SLC11A2: variants seen among roughly 807,000 people sequenced by gnomAD.
SLC11A2 encodes the protein solute carrier family 11 member 2.
Under a neutral mutation model 68.0 loss-of-function variants are expected in SLC11A2, and 38 were observed. That is an observed-to-expected ratio of 0.56 (90% CI 0.43 to 0.73). SLC11A2 has a LOEUF of 0.73. Ranked by LOEUF, SLC11A2 falls within the 30% of genes least tolerant of loss-of-function variation. The probability of loss-of-function intolerance (pLI) is 0.00; values close to 1 mark genes in which losing one functional copy is unlikely to be tolerated. For missense variants in SLC11A2, 517 were observed against 690.5 expected, an observed-to-expected ratio of 0.75 and a Z score of 2.82; for synonymous variants, 242 against 250.6, an observed-to-expected ratio of 0.97 and a Z score of 0.32.
chr12:50,955,478 T>G, the SLC11A2 span, among the ~76,000 whole-genome samples: 3 of 152,218 alleles, frequency 2.0e-5, no homozygotes, highest in Non-Finnish European at 4.4e-5. Context: ...CATGCCTGTT[T>G]CCTTGTGTTC....
chr12:50,992,822 C>A lies in SLC11A2; in HGVS notation c.1185G>T (p.Gln395His), dbSNP rs1565991584. The A allele has an allele frequency of 6.2e-7, 1 of 1,611,806 alleles. No homozygotes were observed. Among genetic ancestry groups the A allele is most frequent in the Non-Finnish European group, 8.5e-7 (1 of 1,178,790 alleles). Residue 395 changes from glutamine to histidine, a missense_variant, in exon 12 of 16, where the codon CAG becomes CAT. Transcript: ENST00000262052. ...SSTMTGTYSG[Q>H]FVMEGFLNLK... ...TACCAGCACGTACCTCCATGACAAA[C>A]TGGCCAGAATAGGTTCCTGTCATGG...
rs12480 is a variant in SLC11A2, at chr12:50,986,982, C to T, written c.*1343G>A. 4 of 1,286,464 alleles carry T rather than the reference C, an allele frequency of 3.1e-6. No homozygotes were observed. The highest frequency in any genetic ancestry group is 4.0e-6 in the Non-Finnish European group (4 of 988,330). The allele number at this position is 1,286,464 out of a possible 1,614,324, so 79.7% of individuals were successfully genotyped here. ...CACCATTTTCCATTACTGTTCTCAC[C>T]AAATCAATGACTATAAAACAGTTTT... On this transcript the variant is annotated 3_prime_UTR_variant, in exon 16 of 16. Transcript: ENST00000262052.
the SLC11A2 span, among the ~76,000 whole-genome samples, chr12:50,955,286 G>A: frequency 6.6e-6 from 1 of 152,054 alleles, no homozygotes; most frequent in African/African-American, 2.4e-5. Context: ...ACTATAATTA[G>A]ATCACCTAAT....
intron 1 of SLC11A2, among the ~76,000 whole-genome samples, chr12:51,014,947 G>A (rs1276624542): frequency 2.0e-5 from 3 of 151,994 alleles, no homozygotes; most frequent in South Asian, 2.1e-4. Flanking sequence ...GATCACCTGA[G>A]GTCAGGAGTT....
chr12:51,001,629 A>G (rs921937155), intron 5 of SLC11A2, among the ~76,000 whole-genome samples: 1 of 151,548 alleles, frequency 6.6e-6, no homozygotes, highest in African/African-American at 2.4e-5. Flanking sequence ...AAACCTTCAC[A>G]TGTATCCATC....
chr12:50,974,181 TA>T, the SLC11A2 span, among the ~76,000 whole-genome samples: 1 of 152,100 alleles, frequency 6.6e-6, no homozygotes, highest in South Asian at 2.1e-4. Flanking sequence ...CCAAGACACA[TA>T]ATTGTCAGAT....
chr12:50,965,136 C>T, the SLC11A2 span, among the ~76,000 whole-genome samples: 1 of 151,998 alleles, frequency 6.6e-6, no homozygotes, highest in African/African-American at 2.4e-5. Flanking sequence ...TTTTTTGAGA[C>T]AGGGTCTTGC....
At chr12:50,960,897 T>C in the SLC11A2 span, 2 of 1,376,854 alleles carry the variant, frequency 1.5e-6, no homozygotes, top group East Asian at 2.7e-5. Flanking sequence ...CCAGGCTGTT[T>C]TCAAACTCCT....
chr12:50,961,417 T>C, the SLC11A2 span, among the ~76,000 whole-genome samples: 1 of 152,158 alleles, frequency 6.6e-6, no homozygotes, highest in Non-Finnish European at 1.5e-5. Flanking sequence ...TCACAGCCTA[T>C]ATTGTGGCTG....
At chr12:51,001,009 A>G (rs1380453191) in intron 5 of SLC11A2, among the ~76,000 whole-genome samples, 1 of 152,068 alleles carries the variant, frequency 6.6e-6, no homozygotes, top group Non-Finnish European at 1.5e-5. Context: ...TACTAAAAAT[A>G]CAAAAATTAG....
intron 3 of SLC11A2, 21 bp downstream of exon 3, chr12:51,008,455 C>T (rs1284208328): frequency 1.9e-6 from 3 of 1,607,292 alleles, no homozygotes; most frequent in South Asian, 2.2e-5. Flanking sequence ...TAGTGTTCTC[C>T]TCCAAGGACC....
At chr12:51,005,852 CAACCAACTGAACGGATCCTCT>C in intron 3 of SLC11A2, 1 of 403,452 alleles carries the variant, frequency 2.5e-6, no homozygotes, top group Non-Finnish European at 4.5e-6. Context: ...TAAGCTCCCC[CAACCAACTGAACGGATCCTCT>C]TCTTGACCAA....
intron 2 of SLC11A2, 83 bp from the exon 3 acceptor site, chr12:51,008,707 T>G: frequency 1.8e-6 from 2 of 1,096,220 alleles, no homozygotes; most frequent in Non-Finnish European, 2.8e-6. Flanking sequence ...TGAAATTAAA[T>G]AGTTTAATAT....
intron 1 of SLC11A2, 66 bp downstream of exon 1, chr12:51,026,244 G>T: frequency 1.6e-6 from 2 of 1,219,736 alleles, no homozygotes; most frequent in South Asian, 2.6e-5. Flanking sequence ...AGGCCCTCGA[G>T]CCGCCCCGCG....
the SLC11A2 span, among the ~76,000 whole-genome samples, chr12:50,955,286 G>C: frequency 6.6e-6 from 1 of 152,054 alleles, no homozygotes; most frequent in African/African-American, 2.4e-5. Flanking sequence ...ACTATAATTA[G>C]ATCACCTAAT....
intron 3 of SLC11A2, among the ~76,000 whole-genome samples, chr12:51,007,653 G>A (rs966635015): frequency 6.6e-5 from 10 of 150,476 alleles, no homozygotes; most frequent in African/African-American, 2.2e-4. Context: ...TTTGGTTTTC[G>A]TTTTTGAGAG....
chr12:51,001,597 AAAAAAG>A (rs1942240655), intron 5 of SLC11A2, among the ~76,000 whole-genome samples: 1 of 149,282 alleles, frequency 6.7e-6, no homozygotes, highest in Non-Finnish European at 1.5e-5. Flanking sequence ...AAAAAAAAAA[AAAAAAG>A]AAAGAAAGAA....
At chr12:50,993,190 TTA>T in intron 11 of SLC11A2, 1 of 156,548 alleles carries the variant, frequency 6.4e-6, no homozygotes, top group Admixed American at 1.3e-4. Context: ...ATCTTAAATA[TTA>T]AAAAAAAAAA....
At chr12:51,009,276 C>T (rs887934857) in intron 2 of SLC11A2, 39 of 1,294,530 alleles carry the variant, frequency 3.0e-5, no homozygotes, top group Non-Finnish European at 3.4e-5. Context: ...AAAGTGCCGC[C>T]GGTCACGGGG....
Sources: allele counts gnomAD v4.1 joint callset (sites outside exome capture counted in the v4.1 genomes callset), GRCh38; gene constraint gnomAD v4.1.1; transcripts MANE v1.5; gene names NCBI Gene and HGNC (gene_info 2026-07-23, HGNC 2026-07-21).